The following ONECUT1 variants were observed in gnomAD, a reference collection of about 807,000 sequenced individuals.
ONECUT1 encodes hepatocyte nuclear factor 6.
In ONECUT1, 12 loss-of-function variants were observed where a neutral mutation model predicts 25.6. The observed-to-expected ratio is 0.47, with a 90% CI of 0.30 to 0.76. The LOEUF is 0.76. Ranked by LOEUF, ONECUT1 falls within the 30% of genes least tolerant of loss-of-function variation. The probability of loss-of-function intolerance (pLI) is 0.07; values close to 1 mark genes in which losing one functional copy is unlikely to be tolerated. For synonymous variants in ONECUT1, 285 were observed against 270.2 expected, an observed-to-expected ratio of 1.05 and a Z score of -0.54; for missense variants, 620 against 651.2, an observed-to-expected ratio of 0.95 and a Z score of 0.52.
In ONECUT1 at chr15:52,788,772, C is replaced by T. The variant is rs752558702; in HGVS notation, c.1105+8G>A. The T allele has an allele frequency of 6.2e-7, 1 of 1,602,016 alleles. No homozygotes were observed. The highest frequency in any genetic ancestry group is 8.5e-7 in the Non-Finnish European group (1 of 1,173,120). ...TCTCCCGCGCGCCCAGCTCCTTGGC[C>T]GGCTCACCTGCTAAGCGGAGCGCGG... On this transcript the variant is annotated splice_region_variant and intron_variant, in intron 1 of 1. Transcript: ENST00000305901. This position sits in a 1 kb window ranked among gnomAD's most constrained non-coding sequence, Gnocchi z 4.3.
At chr15:52,780,762 G>A in intron 1 of ONECUT1, 3 of 1,429,728 alleles carry the variant, frequency 2.1e-6, no homozygotes, top group Admixed American at 2.9e-5. Context: ...AAGACAACAG[G>A]AAAGAAAGCA....
intron 1 of ONECUT1, among the ~76,000 whole-genome samples, chr15:52,781,643 GA>G (rs1367325477): frequency 6.6e-6 from 1 of 152,140 alleles, no homozygotes; most frequent in African/African-American, 2.4e-5. Context: ...GAGCAACAGG[GA>G]AAAAAGTGGT....
intron 1 of ONECUT1, among the ~76,000 whole-genome samples, chr15:52,762,949 G>A (rs2083714285): frequency 6.6e-6 from 1 of 152,132 alleles, no homozygotes; most frequent in African/African-American, 2.4e-5. Flanking sequence ...TGGAGGTTAT[G>A]AGAGTCGACA....
At chr15:52,783,105 A>ATT (rs2083851398) in intron 1 of ONECUT1, among the ~76,000 whole-genome samples, 1 of 152,232 alleles carries the variant, frequency 6.6e-6, no homozygotes. Context: ...CTCGTGTAAC[A>ATT]ACCTCCTTAA....
At chr15:52,764,843 G>A (rs1176231760) in intron 1 of ONECUT1, among the ~76,000 whole-genome samples, 1 of 152,206 alleles carries the variant, frequency 6.6e-6, no homozygotes, top group Non-Finnish European at 1.5e-5. Flanking sequence ...TCTCACACAG[G>A]TAAGTCTGTG....
intron 1 of ONECUT1, among the ~76,000 whole-genome samples, chr15:52,780,311 T>C (rs1445084519): frequency 6.6e-6 from 1 of 152,202 alleles, no homozygotes; most frequent in African/African-American, 2.4e-5. Context: ...GGTTCCAGTT[T>C]TCCTCCTAGC....
At chr15:52,774,263 C>T (rs1461201312) in intron 1 of ONECUT1, among the ~76,000 whole-genome samples, 1 of 148,358 alleles carries the variant, frequency 6.7e-6, no homozygotes, top group African/African-American at 2.5e-5. Flanking sequence ...GTATATAATA[C>T]TAATAATTTG....
rs757768429 is a variant in ONECUT1, at chr15:52,789,091, A to G, written c.794T>C (p.Leu265Pro). ...AGGGTTGGGCTCCCGGGCTGTGCCC[A>G]GGAGTTGCCCGTGGCCCTGGGCGTT... is the stretch of plus-strand genomic sequence containing the variant. ...HLNAQGHGQL[L>P]GTAREPNPSV... is the part of the protein sequence containing the mutation. The change falls in exon 1 of 2, where the codon CTG (leucine) becomes CCG (proline). Residue 265 changes from leucine to proline, a missense_variant. Coordinates refer to ENST00000305901, the MANE Select transcript of ONECUT1 (RefSeq NM_004498.4). This position sits in a 1 kb window ranked among gnomAD's most constrained non-coding sequence, Gnocchi z 4.1. 2.5e-6 allele frequency: 4 copies of G among 1,601,752 alleles called. No individual in the cohort carries two copies. In the South Asian group the frequency reaches 4.4e-5, roughly 18 times the overall value.
At chr15:52,785,335 C>T (rs2083867080) in intron 1 of ONECUT1, among the ~76,000 whole-genome samples, 1 of 152,216 alleles carries the variant, frequency 6.6e-6, no homozygotes, top group Admixed American at 6.5e-5. Context: ...TCATGGCCGC[C>T]CCCCGACCGA....
At chr15:52,761,104 G>T (rs909023766) in intron 1 of ONECUT1, among the ~76,000 whole-genome samples, 6 of 152,068 alleles carry the variant, frequency 3.9e-5, no homozygotes, top group Non-Finnish European at 5.9e-5. Context: ...TAGGAGAGTG[G>T]AAATGTGTTG....
chr15:52,780,502 G>A, intron 1 of ONECUT1: 2 of 1,297,412 alleles, frequency 1.5e-6, no homozygotes, highest in Non-Finnish European at 2.1e-6. Flanking sequence ...ATATGTCTTT[G>A]TCTAGCATAA....
In ONECUT1 at chr15:52,757,490, G is replaced by A. The variant is rs968630213; in HGVS notation, c.*65C>T. On this transcript the variant is annotated 3_prime_UTR_variant, in exon 2 of 2. Coordinates refer to ENST00000305901, the MANE Select transcript of ONECUT1 (RefSeq NM_004498.4). ...TATAAACCTGCTATCTTGAGGTCCT[G>A]GTCTTTTAAAAATTTTTTTTAATTT... 1 of 1,504,032 alleles carries A rather than the reference G, an allele frequency of 6.6e-7. No individual in the cohort carries two copies. The highest frequency in any genetic ancestry group is 1.4e-5 in the African/African-American group (1 of 71,338). The allele number at this position is 1,504,032 out of a possible 1,614,324, so 93.2% of individuals were successfully genotyped here.
chr15:52,764,123 G>A (rs1481877433), intron 1 of ONECUT1, among the ~76,000 whole-genome samples: 2 of 152,166 alleles, frequency 1.3e-5, no homozygotes, highest in Non-Finnish European at 2.9e-5. Flanking sequence ...AACATATAAA[G>A]TGCTGATTGG....
chr15:52,780,576 A>G, intron 1 of ONECUT1: 1 of 1,534,714 alleles, frequency 6.5e-7, no homozygotes, highest in South Asian at 1.2e-5. Context: ...AAGGACATTT[A>G]ATAGCAAAGA....
chr15:52,756,579 C>T lies in ONECUT1; in HGVS notation c.*976G>A, dbSNP rs1416761430. The stretch of plus-strand genomic sequence containing the variant: ...CTCTACTTAAGTGACATTTATGGAT[C>T]CTGAAAAGGAGTGTGCCATCTGGAT... On this transcript the variant is annotated 3_prime_UTR_variant, in exon 2 of 2. Coordinates refer to ENST00000305901, the MANE Select transcript of ONECUT1 (RefSeq NM_004498.4). Among the ~76,000 whole-genome samples the T allele has an allele frequency of 6.6e-6, 1 of 152,172 alleles. No individual in the cohort carries two copies. Among genetic ancestry groups the T allele is most frequent in the Non-Finnish European group, 1.5e-5 (1 of 68,032 alleles).
At chr15:52,777,169 T>C (rs2083806255) in intron 1 of ONECUT1, among the ~76,000 whole-genome samples, 1 of 152,194 alleles carries the variant, frequency 6.6e-6, no homozygotes, top group Admixed American at 6.5e-5. Context: ...AAAGATTTTA[T>C]AAACACACAC....
Position 52,789,705 on chromosome 15 carries a change from G to A in ONECUT1, c.180C>T (p.Asp60=). The A allele has an allele frequency of 6.7e-7, 1 of 1,484,928 alleles. No individual in the cohort carries two copies. The highest frequency in any genetic ancestry group is 8.9e-7 in the Non-Finnish European group (1 of 1,126,038). The allele number at this position is 1,484,928 out of a possible 1,614,324, so 92.0% of individuals were successfully genotyped here. A position where few individuals can be genotyped will look rare whatever the true frequency, so the allele number is the denominator to read the frequency against. Reference sequence around the variant, plus strand: ...GGTAATCTCCGCCGCCGCTGCCGCCGTCCAGCAGGGACGCCATGCCCATGG... The same window carrying A: ...GGTAATCTCCGCCGCCGCTGCCGCCATCCAGCAGGGACGCCATGCCCATGG... ...PRSMGMASLL[D]GGSGGGDYHH... is the part of the protein sequence containing the mutation. Residue 60 remains aspartate (D), a synonymous_variant, in exon 1 of 2, where the codon GAC becomes GAT. Coordinates refer to ENST00000305901, the MANE Select transcript of ONECUT1 (RefSeq NM_004498.4). This position sits in a 1 kb window ranked among gnomAD's most constrained non-coding sequence, Gnocchi z 4.1.
At chr15:52,775,020 T>A (rs1008020312) in intron 1 of ONECUT1, among the ~76,000 whole-genome samples, 1 of 152,088 alleles carries the variant, frequency 6.6e-6, no homozygotes. Flanking sequence ...CGAAACTCTG[T>A]CTCTACTGAA....
rs908074557 is a variant in ONECUT1, at chr15:52,784,002, A to G, written c.1105+4778T>C. 2.0e-5 allele frequency among the ~76,000 whole-genome samples: 3 copies of G among 152,224 alleles called. No homozygotes were observed. The highest frequency in any genetic ancestry group is 4.4e-5 in the Non-Finnish European group (3 of 68,044). ...ATTCACTAGAACAACGACGTTCTAAAAACAAAGGCGCAGCAAGCATCCCTT... is the reference window on the plus strand; with the variant it reads ...ATTCACTAGAACAACGACGTTCTAAGAACAAAGGCGCAGCAAGCATCCCTT... On this transcript the variant is annotated intron_variant, in intron 1 of 1. Transcript: ENST00000305901. This position sits in a 1 kb window ranked among gnomAD's most constrained non-coding sequence, Gnocchi z 5.0.
Sources: allele counts gnomAD v4.1 joint callset (sites outside exome capture counted in the v4.1 genomes callset), GRCh38; gene constraint gnomAD v4.1.1; non-coding constraint Gnocchi (gnomAD v3.1); transcripts MANE v1.5; gene names NCBI Gene and HGNC (gene_info 2026-07-23, HGNC 2026-07-21).